The following PRKCA variants were observed in gnomAD, a reference collection of about 807,000 sequenced individuals.
PRKCA encodes the protein protein kinase C alpha, also known as protein kinase C alpha type.
In PRKCA, 27 loss-of-function variants were observed where a neutral mutation model predicts 87.0. The ratio of observed to expected loss-of-function variants is 0.31; its 90% CI spans 0.23 to 0.43. The LOEUF is 0.43. Ranked by LOEUF, PRKCA falls within the 20% of genes least tolerant of loss-of-function variation. PRKCA has a pLI of 1.00. For missense variants in PRKCA, 518 were observed against 852.3 expected (o/e 0.61, Z 4.88); for synonymous variants, 329 against 311.1 (o/e 1.06, Z -0.61).
intron 2 of PRKCA, among the ~76,000 whole-genome samples, chr17:66,349,578 T>A (rs947145748): frequency 2.0e-5 from 3 of 152,230 alleles, no homozygotes; most frequent in African/African-American, 7.2e-5. Context: ...TCATCCCTTT[T>A]GAACAGTTTG....
At chr17:66,477,414 TTG>T (rs1915579130) in intron 2 of PRKCA, among the ~76,000 whole-genome samples, 1 of 152,100 alleles carries the variant, frequency 6.6e-6, no homozygotes, top group Non-Finnish European at 1.5e-5. Context: ...AATAACAACT[TTG>T]TGGCCGAGCG....
At chr17:66,419,648 AT>A (rs200437506) in intron 2 of PRKCA, among the ~76,000 whole-genome samples, 9 of 151,958 alleles carry the variant, frequency 5.9e-5, no homozygotes, top group South Asian at 2.1e-4. Context: ...TTATATGTGA[AT>A]TTTTTTTGGT....
At chr17:66,414,604 C>T (rs1912025206) in intron 2 of PRKCA, among the ~76,000 whole-genome samples, 1 of 152,096 alleles carries the variant, frequency 6.6e-6, no homozygotes, top group Non-Finnish European at 1.5e-5. Flanking sequence ...ATGTGTATAA[C>T]CAAGGATGTT....
At chr17:66,777,180 C>G (rs980225444) in intron 14 of PRKCA, 1 of 984,830 alleles carries the variant, frequency 1.0e-6, no homozygotes, top group African/African-American at 1.7e-5. Context: ...TGCCCATGTC[C>G]GAACAGCCAC....
intron 2 of PRKCA, among the ~76,000 whole-genome samples, chr17:66,456,000 C>T (rs543119466): frequency 1.3e-5 from 2 of 152,134 alleles, no homozygotes; most frequent in South Asian, 4.2e-4. Flanking sequence ...AATCCATTGA[C>T]TGTTGTTCTC....
chr17:66,380,649 TAAA>T (rs771761423), intron 2 of PRKCA, among the ~76,000 whole-genome samples: 50 of 152,346 alleles, frequency 3.3e-4, no homozygotes, highest in Non-Finnish European at 6.6e-4. Context: ...AAAGGAATAA[TAAA>T]CAGTTCTCAT....
At chr17:66,694,767 T>TAA (rs746908582) in intron 8 of PRKCA, among the ~76,000 whole-genome samples, 12 of 117,486 alleles carry the variant, frequency 1.0e-4, no homozygotes, top group Admixed American at 3.6e-4. Context: ...TTCCAATGGT[T>TAA]AAAAAAAAAA....
At chr17:66,623,301 G>A (rs1188311236) in intron 3 of PRKCA, among the ~76,000 whole-genome samples, 1 of 152,114 alleles carries the variant, frequency 6.6e-6, no homozygotes, top group Non-Finnish European at 1.5e-5. Context: ...CTTGATGTAG[G>A]CTTTTAAAGA....
intron 8 of PRKCA, among the ~76,000 whole-genome samples, chr17:66,697,340 GAC>G (rs1972947790): frequency 6.6e-6 from 1 of 152,196 alleles, no homozygotes; most frequent in Non-Finnish European, 1.5e-5. Context: ...CATCAATGTT[GAC>G]AACTACCTAT....
At chr17:66,525,080 T>G (rs1967299809) in intron 3 of PRKCA, among the ~76,000 whole-genome samples, 1 of 152,176 alleles carries the variant, frequency 6.6e-6, no homozygotes, top group South Asian at 2.1e-4. Flanking sequence ...GTTGACATCA[T>G]GGGAGTTCTG....
At chr17:66,766,113 G>A (rs1333847774) in intron 13 of PRKCA, among the ~76,000 whole-genome samples, 1 of 152,238 alleles carries the variant, frequency 6.6e-6, no homozygotes, top group Non-Finnish European at 1.5e-5. Flanking sequence ...GCTCTATGCG[G>A]CTGATGAGGA....
At chr17:66,682,613 A>G (rs1441602065) in intron 5 of PRKCA, among the ~76,000 whole-genome samples, 1 of 152,264 alleles carries the variant, frequency 6.6e-6, no homozygotes, top group Non-Finnish European at 1.5e-5. Context: ...TGTTGTGTTT[A>G]GAGACTACCT....
intron 2 of PRKCA, among the ~76,000 whole-genome samples, chr17:66,427,227 T>A (rs1912860774): frequency 1.3e-5 from 2 of 152,164 alleles, no homozygotes; most frequent in Admixed American, 1.3e-4. Context: ...AGACGAGGTT[T>A]TGCCATGTTA....
intron 2 of PRKCA, among the ~76,000 whole-genome samples, chr17:66,464,239 C>G (rs1265370976): frequency 6.6e-6 from 1 of 152,116 alleles, no homozygotes; most frequent in East Asian, 1.9e-4. Context: ...AAATAAGATT[C>G]TATCATCTGG....
In PRKCA at chr17:66,805,065, C is replaced by G. The variant is rs539423057; in HGVS notation, c.*1028C>G. On this transcript the variant is annotated 3_prime_UTR_variant, in exon 17 of 17. Transcript: ENST00000413366. ...TACAGTAACTTAATGGAAGTGCTGA[C>G]TCTAGCATCAGCCTCTACCGATTGA... The G allele has an allele frequency of 1.0e-6, 1 of 980,876 alleles. No homozygotes were observed. Among genetic ancestry groups the G allele is most frequent in the South Asian group, 4.7e-5 (1 of 21,198 alleles). The allele number at this position is 980,876 out of a possible 1,614,324, so 60.8% of individuals were successfully genotyped here.
At chr17:66,763,082 T>C (rs9914792) in intron 13 of PRKCA, among the ~76,000 whole-genome samples, 53,661 of 152,228 alleles carry the variant, frequency 0.35, 9,566 homozygotes, top group East Asian at 0.39. Context: ...TGAGCCACTG[T>C]GCCCAGCTTG....
intron 5 of PRKCA, 34 bp from the exon 6 acceptor site, chr17:66,687,077 T>A (rs767982064): frequency 6.4e-7 from 1 of 1,573,026 alleles, no homozygotes; most frequent in Admixed American, 1.7e-5. Context: ...GTCTGTTCTC[T>A]TTTTGTAATA....
At chr17:66,622,559 C>T (rs1970716636) in intron 3 of PRKCA, among the ~76,000 whole-genome samples, 2 of 152,084 alleles carry the variant, frequency 1.3e-5, no homozygotes, top group South Asian at 4.1e-4. Flanking sequence ...ACTGACATCC[C>T]CTGGAAAAGT....
At chr17:66,418,440 CTTT>C (rs113526885) in intron 2 of PRKCA, among the ~76,000 whole-genome samples, 1 of 142,232 alleles carries the variant, frequency 7.0e-6, no homozygotes. Context: ...TTGTTTTAGC[CTTT>C]TTTTTTTTTT....
Sources: gnomAD v4.1 joint callset for allele counts (sites outside exome capture counted in the v4.1 genomes callset) on GRCh38, gnomAD v4.1.1 for gene constraint, MANE v1.5 for transcripts, NCBI Gene and HGNC (gene_info 2026-07-23, HGNC 2026-07-21) for gene names.